WWC1: variants seen among roughly 807,000 people sequenced by gnomAD.
The protein encoded by WWC1 is WW and C2 domain containing 1, also known as protein KIBRA.
A neutral mutation model predicts 138.4 loss-of-function variants in WWC1; 55 were observed. The ratio of observed to expected loss-of-function variants is 0.40; its 90% CI spans 0.32 to 0.50. The LOEUF is 0.50. Ranked by LOEUF, WWC1 falls within the 20% of genes least tolerant of loss-of-function variation. WWC1 has a pLI of 0.72. For missense variants in WWC1, 1,226 were observed against 1,420.4 expected, an observed-to-expected ratio of 0.86 and a Z score of 2.20; for synonymous variants, 524 against 564.9, an observed-to-expected ratio of 0.93 and a Z score of 1.03.
intron 1 of WWC1, among the ~76,000 whole-genome samples, chr5:168,364,369 G>A (rs866823593): frequency 3.1e-4 from 47 of 152,094 alleles, no homozygotes; most frequent in Middle Eastern, 6.8e-3. Context: ...CCCATGGCCC[G>A]TTGGCCTTTC....
chr5:168,399,539 A>G lies in WWC1; in HGVS notation c.562A>G (p.Lys188Glu). The G allele has an allele frequency of 6.2e-7, 1 of 1,614,110 alleles. No individual in the cohort carries two copies. Among genetic ancestry groups the G allele is most frequent in the Non-Finnish European group, 8.5e-7 (1 of 1,180,010 alleles). Residue 188 changes from lysine (K) to glutamate (E), a missense_variant, in exon 5 of 23, where the codon AAA becomes GAA. By Grantham distance (56) the Lys-to-Glu change is moderately conservative (BLOSUM62 1). Around this residue, in one of 3 missense-constraint regions of WWC1, gnomAD observed 1,016 missense variants for 1,153.9 expected, o/e 0.88. Transcript: ENST00000265293. ...MVHLQHELQF[K>E]ERGFQTLKKI... ...TCACCTCCAGCACGAGCTGCAGTTC[A>G]AAGAGCGTGGCTTTCAGACCCTGAA...
rs1780482090 is a variant in WWC1, at chr5:168,414,835, T to G, written c.1184+245T>G. The G allele has an allele frequency of 9.5e-6, 5 of 525,120 alleles. No homozygotes were observed. The Admixed American group carries it at 1.1e-4, about 12-fold the overall frequency. The allele number at this position is 525,120 out of a possible 1,614,324, so 32.5% of individuals were successfully genotyped here. ...ACCAAAAAGTCTGCTTAGGTGCAGG[T>G]GTTCAAAAATGTATCTTCTGACTCA... On this transcript the variant is annotated intron_variant, in intron 9 of 22. Coordinates refer to ENST00000265293, the MANE Select transcript of WWC1 (RefSeq NM_015238.3).
chr5:168,397,831 G>A, intron 4 of WWC1, 31 bp downstream of exon 4: 2 of 1,613,198 alleles, frequency 1.2e-6, no homozygotes, highest in Non-Finnish European at 1.7e-6. Context: ...CTATGTGCTA[G>A]TGATTGGGGC....
chr5:168,348,946 T>C (rs116123684), intron 1 of WWC1, among the ~76,000 whole-genome samples: 2,019 of 152,282 alleles, frequency 0.013, 25 homozygotes, highest in South Asian at 0.048. Context: ...TGCCTACTGC[T>C]GTACACACGT....
At chr5:168,370,790 TAGAG>T (rs1298187830) in intron 1 of WWC1, among the ~76,000 whole-genome samples, 1 of 152,240 alleles carries the variant, frequency 6.6e-6, no homozygotes, top group East Asian at 1.9e-4. Context: ...GATGGGGACA[TAGAG>T]AGCGGTTATT....
intron 3 of WWC1, among the ~76,000 whole-genome samples, chr5:168,390,483 G>A (rs1778395480): frequency 6.6e-6 from 1 of 152,154 alleles, no homozygotes; most frequent in African/African-American, 2.4e-5. Flanking sequence ...TATCTGAAGG[G>A]ACTAGGGTCA....
At chr5:168,347,029 C>T (rs1445226111) in intron 1 of WWC1, among the ~76,000 whole-genome samples, 1 of 152,152 alleles carries the variant, frequency 6.6e-6, no homozygotes, top group Non-Finnish European at 1.5e-5. Flanking sequence ...CATTGTTTCC[C>T]TGGATGGTTC....
chr5:168,374,827 G>A (rs1777048097), intron 2 of WWC1, among the ~76,000 whole-genome samples: 2 of 152,238 alleles, frequency 1.3e-5, no homozygotes, highest in African/African-American at 4.8e-5. Context: ...CTGGGCTGTA[G>A]CAATGGTCAG....
chr5:168,380,627 A>G (rs1777557867), intron 2 of WWC1, among the ~76,000 whole-genome samples: 1 of 152,156 alleles, frequency 6.6e-6, no homozygotes, highest in African/African-American at 2.4e-5. Context: ...TTTCTTATGA[A>G]ATTCGACATA....
chr5:168,428,560 A>G lies in WWC1; in HGVS notation c.1920-147A>G, dbSNP rs983778287. On this transcript the variant is annotated intron_variant, in intron 12 of 22. Coordinates refer to ENST00000265293, the MANE Select transcript of WWC1 (RefSeq NM_015238.3). ...CATAGTGAGCCCCCATCTCTAAAAA[A>G]AATTTTTTTTAATTAAAATTTAAAA... The G allele has an allele frequency of 5.9e-6, 4 of 676,546 alleles. No individual in the cohort carries two copies. In the Admixed American group the frequency reaches 1.2e-4, roughly 21 times the overall value. The allele number at this position is 676,546 out of a possible 1,614,324, so 41.9% of individuals were successfully genotyped here. A position where few individuals can be genotyped will look rare whatever the true frequency, so the allele number is the denominator to read the frequency against.
chr5:168,420,066 C>T (rs1473366731), intron 9 of WWC1, among the ~76,000 whole-genome samples: 2 of 152,226 alleles, frequency 1.3e-5, no homozygotes, highest in Non-Finnish European at 2.9e-5. Context: ...GCCAGTCCAT[C>T]CAACCTCAGA....
At chr5:168,468,461 C>T (rs1015816194) in intron 22 of WWC1, among the ~76,000 whole-genome samples, 4 of 151,852 alleles carry the variant, frequency 2.6e-5, no homozygotes, top group African/African-American at 9.7e-5. Context: ...TTCTGATGTC[C>T]TCTCAAACAA....
At chr5:168,394,392 T>G (rs1178803351) in intron 3 of WWC1, among the ~76,000 whole-genome samples, 1 of 152,218 alleles carries the variant, frequency 6.6e-6, no homozygotes, top group Non-Finnish European at 1.5e-5. Flanking sequence ...ACTATTAAAC[T>G]TTGGGGCAAG....
intron 19 of WWC1, among the ~76,000 whole-genome samples, chr5:168,457,079 C>G (rs1216715505): frequency 6.6e-6 from 1 of 150,566 alleles, no homozygotes; most frequent in Non-Finnish European, 1.5e-5. Context: ...TCTAAGCCTG[C>G]AAAATCACAA....
intron 17 of WWC1, among the ~76,000 whole-genome samples, chr5:168,449,624 A>C (rs1396011497): frequency 7.5e-6 from 1 of 133,564 alleles, no homozygotes; most frequent in African/African-American, 2.9e-5. Context: ...CCCAGGCTAG[A>C]GTGCAATGGT....
At chr5:168,402,764 C>G (rs1561711381) in intron 5 of WWC1, among the ~76,000 whole-genome samples, 1 of 152,118 alleles carries the variant, frequency 6.6e-6, no homozygotes, top group Non-Finnish European at 1.5e-5. Context: ...GTTCATGGCT[C>G]AATACCTCCC....
intron 16 of WWC1, among the ~76,000 whole-genome samples, chr5:168,443,530 C>T (rs1192864039): frequency 1.3e-5 from 2 of 152,210 alleles, no homozygotes. Flanking sequence ...AAAACAAACT[C>T]CTCTCCTTTC....
intron 1 of WWC1, among the ~76,000 whole-genome samples, chr5:168,338,485 C>A (rs980178167): frequency 1.3e-5 from 2 of 150,566 alleles, no homozygotes; most frequent in Non-Finnish European, 3.0e-5. Context: ...CATCTCAGCT[C>A]ACTGCAACCT....
chr5:168,449,984 G>T (rs1187392894), intron 17 of WWC1, among the ~76,000 whole-genome samples: 7 of 152,186 alleles, frequency 4.6e-5, no homozygotes, highest in Admixed American at 4.6e-4. Context: ...TAATTGCAGA[G>T]TTGCGAGTAG....
Sources: allele counts gnomAD v4.1 joint callset (sites outside exome capture counted in the v4.1 genomes callset), GRCh38; gene constraint gnomAD v4.1.1; regional missense constraint gnomAD v4.1.1; transcripts MANE v1.5; gene names NCBI Gene and HGNC (gene_info 2026-07-23, HGNC 2026-07-21).